TXNRD1: variants seen among roughly 807,000 people sequenced by gnomAD.
The protein encoded by TXNRD1 is thioredoxin reductase 1.
TXNRD1 carries 57 observed loss-of-function variants against 80.3 expected under a neutral mutation model. The observed-to-expected ratio is 0.71, with a 90% CI of 0.57 to 0.89. TXNRD1 has a LOEUF of 0.89. Among genes scored for constraint, TXNRD1 ranks in the 40% least tolerant of loss-of-function variants. The pLI is 0.00. For synonymous variants in TXNRD1, 291 were observed against 285.2 expected (o/e 1.02, Z -0.20); for missense variants, 730 against 803.0 (o/e 0.91, Z 1.10).
intron 1 of TXNRD1, among the ~76,000 whole-genome samples, 187 bp from the exon 2 acceptor site, chr12:104,251,340 G>A (rs2033113177): frequency 6.6e-6 from 1 of 152,206 alleles, no homozygotes; most frequent in East Asian, 1.9e-4. Context: ...TGAATAATAT[G>A]TCAGAGGTTC....
chr12:104,309,227 G>A (rs2035042599), intron 4 of TXNRD1, among the ~76,000 whole-genome samples: 1 of 152,124 alleles, frequency 6.6e-6, no homozygotes, highest in Non-Finnish European at 1.5e-5. Flanking sequence ...AAGGTCAACT[G>A]AATGCTTCAA....
At chr12:104,287,081 C>T (rs767757370) in intron 3 of TXNRD1, 26 of 1,433,622 alleles carry the variant, frequency 1.8e-5, no homozygotes, top group Non-Finnish European at 2.2e-5. Flanking sequence ...TGAAGGAGGG[C>T]CTGATGTCTT....
chr12:104,314,404 T>C (rs886871560), intron 6 of TXNRD1, among the ~76,000 whole-genome samples: 1 of 152,188 alleles, frequency 6.6e-6, no homozygotes, highest in Non-Finnish European at 1.5e-5. Context: ...TCAGCAGATA[T>C]TTAATGTGTC....
intron 1 of TXNRD1, among the ~76,000 whole-genome samples, chr12:104,249,590 TA>T (rs2033067677): frequency 6.6e-6 from 1 of 152,136 alleles, no homozygotes; most frequent in South Asian, 2.1e-4. Context: ...ACTATTTTTA[TA>T]AAATAATACA....
intron 1 of TXNRD1, among the ~76,000 whole-genome samples, chr12:104,233,755 CAG>C (rs767214378): frequency 6.6e-6 from 1 of 152,162 alleles, no homozygotes; most frequent in African/African-American, 2.4e-5. Context: ...CTCCTGACCT[CAG>C]GTGATCTGCC....
rs549282481 is a variant in TXNRD1 at position 104,222,914 on chromosome 12, A to G, written c.91+7021A>G. 6.6e-5 allele frequency among the ~76,000 whole-genome samples: 10 copies of G among 152,312 alleles called. No individual in the cohort carries two copies. The East Asian group carries it at 1.9e-3, about 29-fold the overall frequency. On this transcript the variant is annotated intron_variant, in intron 1 of 16. Transcript: ENST00000525566. ...ATTGAGCAGAAATGTACGAGTTAAC[A>G]TGAAACTTCAGTGTCTAGGCTGTAA...
intron 10 of TXNRD1, among the ~76,000 whole-genome samples, chr12:104,321,770 T>C (rs982544141): frequency 4.6e-5 from 7 of 152,224 alleles, no homozygotes; most frequent in Non-Finnish European, 8.8e-5. Context: ...TGAAAGTGAT[T>C]ATCTCATTTA....
chr12:104,216,836 T>G (rs2032225860), intron 1 of TXNRD1, among the ~76,000 whole-genome samples: 2 of 152,236 alleles, frequency 1.3e-5, no homozygotes, highest in Admixed American at 6.5e-5. Flanking sequence ...GCTAGAATTA[T>G]TAAATGCTGT....
intron 5 of TXNRD1, 73 bp downstream of exon 5, chr12:104,311,485 C>T: frequency 3.3e-6 from 5 of 1,532,856 alleles, no homozygotes; most frequent in Non-Finnish European, 4.4e-6. Flanking sequence ...TGACAGGGTT[C>T]TCTCCTCTCT....
intron 3 of TXNRD1, chr12:104,265,561 G>A: frequency 1.2e-6 from 2 of 1,608,600 alleles, no homozygotes; most frequent in Non-Finnish European, 1.7e-6. Context: ...GCTGCGCTAT[G>A]ACTCCCGGAG....
chr12:104,222,068 C>T (rs1486490431), intron 1 of TXNRD1, among the ~76,000 whole-genome samples: 7 of 151,964 alleles, frequency 4.6e-5, no homozygotes, highest in Non-Finnish European at 7.4e-5. Flanking sequence ...AACTAGAAAT[C>T]TCTATTTATC....
In TXNRD1 at chr12:104,349,986, A is replaced by G. The variant is rs759851052; in HGVS notation, c.*1565A>G. On this transcript the variant is annotated 3_prime_UTR_variant, in exon 17 of 17. Coordinates refer to ENST00000525566, the MANE Select transcript of TXNRD1 (RefSeq NM_001093771.3). The stretch of plus-strand genomic sequence containing the variant: ...GAGAGCAATTGAGGCAGTTGACCAT[A>G]TTCAGTTTTATTTATTTATTTTTAA... The G allele has an allele frequency of 5.9e-5, 9 of 152,282 alleles. No individual in the cohort carries two copies. The highest frequency in any genetic ancestry group is 8.8e-5 in the Non-Finnish European group (6 of 68,044). 9.4% of individuals were successfully genotyped at this position (152,282 alleles called of 1,614,324 possible). A position where few individuals can be genotyped will look rare whatever the true frequency, so the allele number is the denominator to read the frequency against.
At chr12:104,307,454 A>AT (rs2034964160) in intron 4 of TXNRD1, among the ~76,000 whole-genome samples, 1 of 152,186 alleles carries the variant, frequency 6.6e-6, no homozygotes, top group African/African-American at 2.4e-5. Context: ...ACTTAAAGGG[A>AT]TTAATTCCTA....
chr12:104,284,131 A>T (rs927261651), intron 3 of TXNRD1: 1 of 152,184 alleles, frequency 6.6e-6, no homozygotes, highest in African/African-American at 2.4e-5. Context: ...GGAAAGAGGG[A>T]TACGTGTGAA....
chr12:104,287,681 T>A (rs1372155623), intron 3 of TXNRD1, among the ~76,000 whole-genome samples: 1 of 152,086 alleles, frequency 6.6e-6, no homozygotes. Context: ...CACAGACTAT[T>A]AAATGGGGCG....
intron 16 of TXNRD1, among the ~76,000 whole-genome samples, chr12:104,342,282 C>G (rs1231504356): frequency 3.3e-5 from 5 of 151,866 alleles, no homozygotes; most frequent in Non-Finnish European, 1.5e-5. Flanking sequence ...TATCTAGGGC[C>G]CCACCAAGAG....
chr12:104,251,963 C>T (rs909279731), intron 2 of TXNRD1, among the ~76,000 whole-genome samples: 4 of 149,802 alleles, frequency 2.7e-5, no homozygotes, highest in African/African-American at 9.9e-5. Flanking sequence ...ACTCGGGAGG[C>T]TGAGACAGGA....
chr12:104,231,884 G>A (rs148313990), intron 1 of TXNRD1, among the ~76,000 whole-genome samples: 8 of 152,324 alleles, frequency 5.3e-5, no homozygotes, highest in African/African-American at 1.9e-4. Context: ...AGCAGGGTTA[G>A]TTTAAAATGT....
chr12:104,320,657 T>C (rs1286723521), intron 9 of TXNRD1, among the ~76,000 whole-genome samples: 1 of 152,170 alleles, frequency 6.6e-6, no homozygotes, highest in Admixed American at 6.5e-5. Context: ...TTTTTTTTTT[T>C]TTCTGCATCC....
Sources: allele counts gnomAD v4.1 joint callset (sites outside exome capture counted in the v4.1 genomes callset), GRCh38; gene constraint gnomAD v4.1.1; transcripts MANE v1.5; gene names NCBI Gene and HGNC (gene_info 2026-07-23, HGNC 2026-07-21).